Variants in PLEKHG1 observed in about 807,000 individuals in gnomAD.
The protein encoded by PLEKHG1 is pleckstrin homology and RhoGEF domain containing G1, also known as pleckstrin homology domain-containing family G member 1.
In PLEKHG1, 44 loss-of-function variants were observed where a neutral mutation model predicts 100.8. The observed-to-expected ratio is 0.44, with a 90% CI of 0.34 to 0.56. The LOEUF (loss-of-function observed/expected upper bound fraction) is 0.56, where lower values mean the gene tolerates loss of function less well. Ranked by LOEUF, PLEKHG1 falls within the 20% of genes least tolerant of loss-of-function variation. The pLI is 0.01. For missense variants in PLEKHG1, 1,545 were observed against 1,720.9 expected (o/e 0.90, Z 1.81); for synonymous variants, 640 against 662.5 (o/e 0.97, Z 0.52).
At chr6:150,621,895 T>G (rs1474097959) in intron 1 of PLEKHG1, among the ~76,000 whole-genome samples, 1 of 152,236 alleles carries the variant, frequency 6.6e-6, no homozygotes, top group South Asian at 2.1e-4. Flanking sequence ...TCTTATGACT[T>G]GAACACGTTA....
At chr6:150,675,717 C>T (rs538831668) in intron 3 of PLEKHG1, among the ~76,000 whole-genome samples, 2 of 152,306 alleles carry the variant, frequency 1.3e-5, no homozygotes, top group East Asian at 3.9e-4. Flanking sequence ...AAACTTCTGA[C>T]CTCAAGTGAT....
intron 2 of PLEKHG1, among the ~76,000 whole-genome samples, chr6:150,750,577 G>C (rs1200768932): frequency 6.6e-6 from 1 of 151,792 alleles, no homozygotes. Flanking sequence ...TCAGGAGATC[G>C]AGACCATCCC....
At chr6:150,832,004 G>T in exon 15 of PLEKHG1, 1 of 1,613,846 alleles carries the variant, frequency 6.2e-7, no homozygotes. Context: ...CCCTGACCTG[G>T]GGATGGAGGC....
In PLEKHG1 at chr6:150,831,304, G is replaced by A. The variant is rs149258837; in HGVS notation, c.2193G>A (p.Thr731=). The A allele has an allele frequency of 8.1e-6, 13 of 1,613,996 alleles. No individual in the cohort carries two copies. Among genetic ancestry groups the A allele is most frequent in the Admixed American group, 5.0e-5 (3 of 59,998 alleles). ...GTGGAGAGGCATCCAGCCAAAGCAC[G>A]CATGAACTCCAAGCGGTTGAGGAGA... The change falls in exon 15 of 16, where the codon ACG becomes ACA. Residue 731 remains threonine (T), a synonymous_variant. Transcript: ENST00000358517. This position sits in a 1 kb window ranked among gnomAD's most constrained non-coding sequence, Gnocchi z 4.1.
At chr6:150,686,409 C>T (rs1780132323) in intron 3 of PLEKHG1, among the ~76,000 whole-genome samples, 1 of 152,190 alleles carries the variant, frequency 6.6e-6, no homozygotes, top group Non-Finnish European at 1.5e-5. Flanking sequence ...CCTGAAAGCT[C>T]TTCCAATTTA....
chr6:150,643,989 G>A (rs1365258545), intron 2 of PLEKHG1, among the ~76,000 whole-genome samples: 1 of 151,970 alleles, frequency 6.6e-6, no homozygotes, highest in Non-Finnish European at 1.5e-5. Flanking sequence ...AAGCTATAGA[G>A]CGTGTGTCTG....
chr6:150,772,153 G>T (rs1211859616), intron 3 of PLEKHG1, among the ~76,000 whole-genome samples: 2 of 152,098 alleles, frequency 1.3e-5, no homozygotes, highest in South Asian at 2.1e-4. Context: ...GATTTCTGTG[G>T]TATAAACACT....
intron 3 of PLEKHG1, 101 bp downstream of exon 2, chr6:150,650,887 T>C (rs1196214958): frequency 6.6e-6 from 1 of 152,226 alleles, no homozygotes; most frequent in Non-Finnish European, 1.5e-5. Flanking sequence ...ATAAGTGTAC[T>C]CTGTAAGTCA....
intron 14 of PLEKHG1, among the ~76,000 whole-genome samples, chr6:150,828,703 T>C (rs1350980145): frequency 6.6e-6 from 1 of 152,140 alleles, no homozygotes; most frequent in African/African-American, 2.4e-5. Flanking sequence ...TGGACGATCT[T>C]AGGAAGGATC....
intron 10 of PLEKHG1, among the ~76,000 whole-genome samples, chr6:150,810,512 G>A (rs1038480283): frequency 1.1e-3 from 70 of 65,494 alleles, no homozygotes; most frequent in African/African-American, 4.4e-3. Context: ...AAGAAAGAAA[G>A]AAAAAGAAAG....
Position 150,627,368 on chromosome 6 carries a change from T to C in PLEKHG1, c.-203-10712T>C, listed in dbSNP as rs562999571. On this transcript the variant is annotated intron_variant, in intron 1 of 3. Coordinates refer to the PLEKHG1 transcript ENST00000367326. ...TTGCTAACACTGCAATATTCTCTGT[T>C]CTGATTGAAAATTTTTCTTCAAAAA... Among the ~76,000 whole-genome samples, 18 of 152,322 alleles carry C rather than the reference T, an allele frequency of 1.2e-4. 1 individual carries two copies. In the South Asian group the frequency reaches 3.1e-3, roughly 26 times the overall value.
chr6:150,811,645 AAAAAAG>A (rs1278040912), intron 10 of PLEKHG1, among the ~76,000 whole-genome samples: 7 of 151,930 alleles, frequency 4.6e-5, no homozygotes, highest in Non-Finnish European at 1.0e-4. Flanking sequence ...TAAAAAAAAA[AAAAAAG>A]AGAGAATGTA....
intron 1 of PLEKHG1, among the ~76,000 whole-genome samples, chr6:150,634,421 G>A (rs1777905487): frequency 6.6e-6 from 1 of 152,178 alleles, no homozygotes; most frequent in African/African-American, 2.4e-5. Context: ...GGGAGAAAAA[G>A]GATGGGAAGC....
intron 2 of PLEKHG1, among the ~76,000 whole-genome samples, chr6:150,739,537 G>A (rs1191338636): frequency 2.0e-5 from 3 of 152,006 alleles, no homozygotes; most frequent in Non-Finnish European, 4.4e-5. Flanking sequence ...GTATGGTGGT[G>A]CATGCCTGTA....
At chr6:150,801,274 A>G (rs1029190481) in intron 6 of PLEKHG1, among the ~76,000 whole-genome samples, 2 of 152,298 alleles carry the variant, frequency 1.3e-5, no homozygotes, top group East Asian at 1.9e-4. Flanking sequence ...AGGGGCTGAA[A>G]AGGGAGAAGA....
At chr6:150,768,617 T>A in intron 2 of PLEKHG1, 21 bp from the exon 4 acceptor site, 1 of 1,347,372 alleles carries the variant, frequency 7.4e-7, no homozygotes, top group South Asian at 1.2e-5. Context: ...GTTTAAGGCA[T>A]CCTTCTCATT....
In PLEKHG1 at chr6:150,600,051, CT is replaced by C. The variant is rs1402655247; in HGVS notation, c.-204+38del. On this transcript the variant is annotated intron_variant, in intron 1 of 3. Coordinates refer to the PLEKHG1 transcript ENST00000367326. The surrounding 1 kb of genome is among the most constrained non-coding windows in gnomAD (Gnocchi z 6.2). ...CGGTCGGGCCCGGACGCCCTGGGGA[CT>C]TTTCCAGGGATGGGAGGGGGGACCC... 1.0e-5 allele frequency: 2 copies of C among 197,502 alleles called. No homozygotes were observed. The highest frequency in any genetic ancestry group is 5.3e-5 in the South Asian group (1 of 19,046). 12.2% of individuals were successfully genotyped at this position (197,502 alleles called of 1,614,324 possible).
intron 6 of PLEKHG1, among the ~76,000 whole-genome samples, chr6:150,802,910 T>C (rs1786798428): frequency 6.6e-6 from 1 of 152,002 alleles, no homozygotes; most frequent in Non-Finnish European, 1.5e-5. Flanking sequence ...TCCACCCACC[T>C]CGGCCCCTCA....
At chr6:150,738,729 G>A (rs369523861) in intron 2 of PLEKHG1, among the ~76,000 whole-genome samples, 18 of 152,140 alleles carry the variant, frequency 1.2e-4, no homozygotes, top group East Asian at 5.8e-4. Flanking sequence ...TGGCTCTTCC[G>A]TCCTCTGCTC....
Sources: gnomAD v4.1 joint callset for allele counts (sites outside exome capture counted in the v4.1 genomes callset) on GRCh38, gnomAD v4.1.1 for gene constraint, Gnocchi (gnomAD v3.1) non-coding constraint, MANE v1.5 for transcripts, NCBI Gene and HGNC (gene_info 2026-07-23, HGNC 2026-07-21) for gene names.